CA5A: variants seen among roughly 807,000 people sequenced by gnomAD.
CA5A encodes carbonic anhydrase 5A.
A neutral mutation model predicts 37.1 loss-of-function variants in CA5A; 28 were observed. That is an observed-to-expected ratio of 0.75 (90% CI 0.56 to 1.03). The LOEUF is 1.03. CA5A is among the 50% of genes least tolerant of loss of function. CA5A has a pLI of 0.00. For synonymous variants in CA5A, 171 were observed against 158.4 expected, an observed-to-expected ratio of 1.08 and a Z score of -0.60; for missense variants, 444 against 399.9, an observed-to-expected ratio of 1.11 and a Z score of -0.94.
chr16:87,928,835 C>G (rs1006267523), intron 1 of CA5A, among the ~76,000 whole-genome samples: 24 of 134,990 alleles, frequency 1.8e-4, no homozygotes, highest in African/African-American at 6.1e-4. Flanking sequence ...GTGGTGCCAT[C>G]TCGGCTCACT....
chr16:87,898,794 G>A (rs1343904318), intron 5 of CA5A, among the ~76,000 whole-genome samples: 2 of 150,488 alleles, frequency 1.3e-5, no homozygotes, highest in Non-Finnish European at 2.9e-5. Flanking sequence ...GAGTGCAGTG[G>A]CACGATCTCG....
chr16:87,885,115 A>G (rs112526905), downstream of CA5A: 851 of 156,162 alleles, frequency 5.4e-3, 4 homozygotes, highest in African/African-American at 0.019. Context: ...GTGAGCCAAG[A>G]TTGCGCCACT....
At chr16:87,926,283 G>T (rs1347858736) in intron 2 of CA5A, among the ~76,000 whole-genome samples, 1 of 152,136 alleles carries the variant, frequency 6.6e-6, no homozygotes, top group Non-Finnish European at 1.5e-5. Flanking sequence ...AGCCTGCAGT[G>T]GTCTCATTTC....
At chr16:87,913,318 T>TTTTTC (rs2056079599) in intron 2 of CA5A, among the ~76,000 whole-genome samples, 1 of 151,316 alleles carries the variant, frequency 6.6e-6, no homozygotes, top group Admixed American at 6.6e-5. Context: ...TTTTTTTTTT[T>TTTTTC]TGAGTCAGGG....
intron 1 of CA5A, among the ~76,000 whole-genome samples, chr16:87,935,434 T>C (rs1172205812): frequency 1.3e-5 from 2 of 152,210 alleles, no homozygotes. Flanking sequence ...GACTGGTTAG[T>C]GCAGCCCATT....
At chr16:87,890,144 T>A (rs2055692426) in intron 6 of CA5A, among the ~76,000 whole-genome samples, 2 of 152,234 alleles carry the variant, frequency 1.3e-5, no homozygotes, top group African/African-American at 4.8e-5. Context: ...CATTTTTATA[T>A]GACACCGGCC....
intron 5 of CA5A, among the ~76,000 whole-genome samples, chr16:87,894,205 G>A (rs1027572286): frequency 6.6e-6 from 1 of 151,958 alleles, no homozygotes; most frequent in East Asian, 1.9e-4. Flanking sequence ...CTCAGCTCAC[G>A]GTGGTTGGGC....
At chr16:87,894,374 G>C (rs931576491) in intron 5 of CA5A, among the ~76,000 whole-genome samples, 7 of 151,982 alleles carry the variant, frequency 4.6e-5, no homozygotes, top group Non-Finnish European at 8.8e-5. Context: ...ACATCACCTT[G>C]ACTTTGCTGG....
In CA5A at chr16:87,911,213, G is replaced by A. The variant is rs913289425; in HGVS notation, c.341-6309C>T. ...CAGGGCTGGTCCACCGGGCAGCACT[G>A]GCCACTGTTGCCTCAGCGTTCTGTG... is the stretch of plus-strand genomic sequence containing the variant. On this transcript the variant is annotated intron_variant, in intron 2 of 6. Transcript: ENST00000649794. This position sits in a 1 kb window ranked among gnomAD's most constrained non-coding sequence, Gnocchi z 4.6. 2.0e-5 allele frequency among the ~76,000 whole-genome samples: 3 copies of A among 152,002 alleles called. No individual in the cohort carries two copies. Among genetic ancestry groups the A allele is most frequent in the South Asian group, 2.1e-4 (1 of 4,820 alleles).
chr16:87,903,761 C>G (rs370931010), intron 3 of CA5A, among the ~76,000 whole-genome samples: 141 of 152,260 alleles, frequency 9.3e-4, no homozygotes, highest in African/African-American at 3.2e-3. Context: ...GAGTCCTCAG[C>G]TTGAAAAAGC....
chr16:87,883,798 A>C (rs953822668), downstream of CA5A: 4 of 151,356 alleles, frequency 2.6e-5, no homozygotes, highest in African/African-American at 9.7e-5. Context: ...CACCACGCCC[A>C]GCGAATTTTT....
At chr16:87,913,227 C>G (rs1430923372) in intron 2 of CA5A, among the ~76,000 whole-genome samples, 2 of 152,084 alleles carry the variant, frequency 1.3e-5, no homozygotes, top group African/African-American at 4.8e-5. Flanking sequence ...GATCCACCTG[C>G]CTCGGCCTCC....
chr16:87,902,608 C>T (rs2055894713), intron 3 of CA5A, 88 bp from the exon 4 acceptor site: 1 of 764,226 alleles, frequency 1.3e-6, no homozygotes, highest in Admixed American at 1.9e-5. Flanking sequence ...TATGTGTCCA[C>T]TTAATCATAA....
intron 5 of CA5A, among the ~76,000 whole-genome samples, chr16:87,892,765 C>T (rs1475783341): frequency 6.6e-6 from 1 of 150,628 alleles, no homozygotes; most frequent in Non-Finnish European, 1.5e-5. Flanking sequence ...CCTCTGCCTC[C>T]CAGGTTCAAG....
chr16:87,935,589 A>C (rs745368491), intron 1 of CA5A, among the ~76,000 whole-genome samples: 2 of 152,158 alleles, frequency 1.3e-5, no homozygotes, highest in African/African-American at 2.4e-5. Flanking sequence ...AGAGAAACGG[A>C]GTGTGGCCAG....
rs142644010 is a variant in CA5A, at chr16:87,903,036, TG to T, written c.460-517del. On this transcript the variant is annotated intron_variant, in intron 3 of 6. Transcript: ENST00000649794. Reference sequence around the variant, plus strand: ...GAAGGAACAGCCTCAGTCTTCCTGGTGGGGGGGGAAAGGAGAGGATCATGTT... The same window carrying T: ...GAAGGAACAGCCTCAGTCTTCCTGGTGGGGGGGAAAGGAGAGGATCATGTT... Among the ~76,000 whole-genome samples, 5 of 150,536 alleles carry T rather than the reference TG, an allele frequency of 3.3e-5. No homozygotes were observed. In the South Asian group the frequency reaches 6.3e-4, roughly 19 times the overall value.
chr16:87,934,523 C>T (rs568587174), intron 1 of CA5A, among the ~76,000 whole-genome samples: 6 of 152,118 alleles, frequency 3.9e-5, no homozygotes, highest in Admixed American at 2.6e-4. Context: ...AGCTGGAGAT[C>T]GCACCACTGC....
chr16:87,922,610 G>A (rs1279504565), intron 2 of CA5A, among the ~76,000 whole-genome samples: 1 of 152,204 alleles, frequency 6.6e-6, no homozygotes, highest in African/African-American at 2.4e-5. Context: ...CGGGCCTCCC[G>A]TGCCGACCTC....
rs1488386988 is a variant in CA5A, at chr16:87,911,508, T to C, written c.341-6604A>G. On this transcript the variant is annotated intron_variant, in intron 2 of 6. Transcript: ENST00000649794. The surrounding 1 kb of genome is among the most constrained non-coding windows in gnomAD (Gnocchi z 4.6). The stretch of plus-strand genomic sequence containing the variant: ...ATTAGTACACGAGAAGTTTGAGATG[T>C]TCTAATTACTGGAAATTTCAAATAA... Among the ~76,000 whole-genome samples the C allele has an allele frequency of 1.3e-5, 2 of 152,270 alleles. No individual in the cohort carries two copies. The highest frequency in any genetic ancestry group is 3.9e-4 in the East Asian group (2 of 5,190).
Sources: gnomAD v4.1 joint callset for allele counts (sites outside exome capture counted in the v4.1 genomes callset) on GRCh38, gnomAD v4.1.1 for gene constraint, Gnocchi (gnomAD v3.1) non-coding constraint, MANE v1.5 for transcripts, NCBI Gene and HGNC (gene_info 2026-07-23, HGNC 2026-07-21) for gene names.